The following COL4A1 variants were observed in gnomAD, a reference collection of about 807,000 sequenced individuals.
The protein encoded by COL4A1 is collagen type IV alpha 1 chain.
COL4A1 carries 40 observed loss-of-function variants against 216.6 expected under a neutral mutation model. The ratio of observed to expected loss-of-function variants is 0.18; its 90% CI spans 0.14 to 0.24. COL4A1 has a LOEUF of 0.24. Ranked by LOEUF, COL4A1 falls within the 10% of genes least tolerant of loss-of-function variation. The probability of loss-of-function intolerance (pLI) is 1.00; values close to 1 mark genes in which losing one functional copy is unlikely to be tolerated. For synonymous variants in COL4A1, 839 were observed against 810.7 expected, an observed-to-expected ratio of 1.03 and a Z score of -0.59; for missense variants, 1,628 against 2,196.8, an observed-to-expected ratio of 0.74 and a Z score of 5.18.
intron 1 of COL4A1, among the ~76,000 whole-genome samples, chr13:110,255,342 AGGGAAAT>A (rs1383637772): frequency 1.3e-5 from 2 of 151,534 alleles, no homozygotes; most frequent in African/African-American, 2.4e-5. Context: ...TGAGGAGGGA[AGGGAAAT>A]GAGGAGACTT....
intron 2 of COL4A1, among the ~76,000 whole-genome samples, chr13:110,234,252 C>G (rs1881197101): frequency 6.6e-6 from 1 of 152,166 alleles, no homozygotes; most frequent in Non-Finnish European, 1.5e-5. Context: ...TCCACCGATC[C>G]ACTCTTTCAC....
At chr13:110,269,673 A>C (rs1883173535) in intron 1 of COL4A1, among the ~76,000 whole-genome samples, 3 of 152,106 alleles carry the variant, frequency 2.0e-5, no homozygotes, top group Admixed American at 2.0e-4. Flanking sequence ...TGGAAGACGC[A>C]ACACAAACGG....
At chr13:110,288,269 AAAAAAAAT>A (rs1248393082) in intron 1 of COL4A1, among the ~76,000 whole-genome samples, 1 of 145,236 alleles carries the variant, frequency 6.9e-6, no homozygotes, top group Non-Finnish European at 1.5e-5. Flanking sequence ...TCTCAAAAAA[AAAAAAAAT>A]AATAATAATA....
intron 1 of COL4A1, among the ~76,000 whole-genome samples, chr13:110,302,560 G>A (rs777996908): frequency 7.2e-5 from 11 of 152,150 alleles, no homozygotes; most frequent in East Asian, 1.9e-4. Flanking sequence ...CGGAAAGAGC[G>A]CTAGGAGGGA....
At chr13:110,238,981 G>A (rs1480061084) in intron 2 of COL4A1, among the ~76,000 whole-genome samples, 3 of 152,094 alleles carry the variant, frequency 2.0e-5, no homozygotes, top group Admixed American at 1.3e-4. Context: ...CCACACTGCC[G>A]CAGTCTCTGG....
At chr13:110,198,078 G>GGGGTGTGT (rs1555305318) in intron 21 of COL4A1, among the ~76,000 whole-genome samples, 8 of 141,842 alleles carry the variant, frequency 5.6e-5, no homozygotes, top group East Asian at 2.1e-4. Context: ...TTGTTTCTGG[G>GGGGTGTGT]GTGTGTGTGT....
intron 2 of COL4A1, among the ~76,000 whole-genome samples, chr13:110,237,625 A>C (rs1304745141): frequency 6.6e-6 from 1 of 152,240 alleles, no homozygotes; most frequent in African/African-American, 2.4e-5. Flanking sequence ...AATAATGTGC[A>C]TAAAACATAC....
chr13:110,179,528 T>C (rs763356959), intron 29 of COL4A1, 107 bp from the exon 30 acceptor site: 8 of 1,498,222 alleles, frequency 5.3e-6, no homozygotes. Context: ...ATGCATTTAG[T>C]AAGAATATTA....
intron 2 of COL4A1, among the ~76,000 whole-genome samples, chr13:110,240,688 C>T (rs1881523418): frequency 6.6e-6 from 1 of 152,234 alleles, no homozygotes. Context: ...GCCTTCCCCA[C>T]ACATGTGTAG....
At chr13:110,210,940 C>A (rs1879765719) in intron 8 of COL4A1, among the ~76,000 whole-genome samples, 1 of 152,192 alleles carries the variant, frequency 6.6e-6, no homozygotes, top group African/African-American at 2.4e-5. Flanking sequence ...CCGGCCCCCA[C>A]AATCATGAGA....
At chr13:110,156,869 T>C (rs1348974617) in intron 49 of COL4A1, among the ~76,000 whole-genome samples, 1 of 152,206 alleles carries the variant, frequency 6.6e-6, no homozygotes, top group African/African-American at 2.4e-5. Flanking sequence ...GACTTGTGTG[T>C]GTGTCTGTCT....
intron 40 of COL4A1, 40 bp downstream of exon 40, chr13:110,173,860 C>T: frequency 6.2e-7 from 1 of 1,611,410 alleles, no homozygotes; most frequent in Admixed American, 1.7e-5. Flanking sequence ...TGGGAGTGGA[C>T]ACTGCTGATT....
intron 50 of COL4A1, 61 bp from the exon 51 acceptor site, chr13:110,152,567 C>A: frequency 1.3e-6 from 2 of 1,551,996 alleles, no homozygotes; most frequent in Admixed American, 1.9e-5. Flanking sequence ...GGAAAGAGAT[C>A]GATCCTTCCC....
chr13:110,279,108 G>GT (rs1178706691), intron 1 of COL4A1, among the ~76,000 whole-genome samples: 1 of 152,070 alleles, frequency 6.6e-6, no homozygotes, highest in African/African-American at 2.4e-5. Context: ...ATGTCCTACT[G>GT]TTTTTTATGT....
intron 1 of COL4A1, among the ~76,000 whole-genome samples, chr13:110,264,735 G>A (rs1882955562): frequency 2.6e-5 from 4 of 151,874 alleles, no homozygotes; most frequent in Admixed American, 1.3e-4. Context: ...CTCCTTCCCC[G>A]TCTCTTTCTT....
At chr13:110,277,038 T>C (rs1883457429) in intron 1 of COL4A1, among the ~76,000 whole-genome samples, 1 of 152,254 alleles carries the variant, frequency 6.6e-6, no homozygotes, top group South Asian at 2.1e-4. Context: ...CTCCCAGTTA[T>C]CTGCCTGACC....
intron 1 of COL4A1, among the ~76,000 whole-genome samples, chr13:110,249,278 G>A (rs1362462644): frequency 2.6e-5 from 4 of 151,930 alleles, no homozygotes; most frequent in Admixed American, 6.6e-5. Flanking sequence ...TGTATACGTC[G>A]GTAAAAACTC....
intron 1 of COL4A1, among the ~76,000 whole-genome samples, chr13:110,269,013 G>A (rs1199359508): frequency 1.6e-5 from 2 of 125,478 alleles, no homozygotes; most frequent in Admixed American, 7.4e-5. Context: ...CTTGGCGCAC[G>A]GAGAACTGAT....
intron 1 of COL4A1, among the ~76,000 whole-genome samples, chr13:110,299,756 C>T (rs1884421257): frequency 1.3e-5 from 2 of 152,208 alleles, no homozygotes; most frequent in African/African-American, 4.8e-5. Context: ...ACAGACTTTT[C>T]TTTTGCCAGA....
Sources: gnomAD v4.1 joint callset for allele counts (sites outside exome capture counted in the v4.1 genomes callset) on GRCh38, gnomAD v4.1.1 for gene constraint, MANE v1.5 for transcripts, NCBI Gene and HGNC (gene_info 2026-07-23, HGNC 2026-07-21) for gene names.